The following PCDH15 variants were observed in gnomAD, a reference collection of about 807,000 sequenced individuals.
PCDH15 encodes protocadherin related 15.
In PCDH15, 129 loss-of-function variants were observed where a neutral mutation model predicts 178.5. The ratio of observed to expected loss-of-function variants is 0.72; its 90% confidence interval spans 0.63 to 0.84. The LOEUF (loss-of-function observed/expected upper bound fraction) is 0.84. Among genes scored for constraint, PCDH15 ranks in the 40% least tolerant of loss-of-function variants. The pLI, the probability that PCDH15 is intolerant of heterozygous loss-of-function variation, is 0.00. For synonymous variants in PCDH15, 800 were observed against 732.0 expected (o/e 1.09, Z -1.50); for missense variants, 2,230 against 2,099.9 (o/e 1.06, Z -1.21).
chr10:55,138,560 A>T (rs1838266462), intron 2 of PCDH15, among the ~76,000 whole-genome samples: 2 of 152,060 alleles, frequency 1.3e-5, no homozygotes, highest in Admixed American at 6.6e-5. Flanking sequence ...TTCATTCGGG[A>T]GTCAATCTCA....
rs781498909 is a variant in PCDH15 at position 53,806,680 on chromosome 10, T to TGATG, written c.5118_5121dup (p.Lys1708HisfsTer9). 24 of 1,613,880 alleles carry TGATG rather than the reference T, an allele frequency of 1.5e-5. No homozygotes were observed. Among genetic ancestry groups the TGATG allele is most frequent in the Non-Finnish European group, 2.0e-5 (24 of 1,179,818 alleles). ...TCACTATGAAATTCCAAAGCCTCCT[T>TGATG]GATGTTCTTACTGTCAATCATGGAC... On this transcript the variant is annotated frameshift_variant, in exon 38 of 38. Transcript: ENST00000644397. LOFTEE classifies it high-confidence loss of function.
chr10:55,391,264 T>G (rs1685713369), intron 2 of PCDH15, among the ~76,000 whole-genome samples: 1 of 151,192 alleles, frequency 6.6e-6, no homozygotes, highest in Non-Finnish European at 1.5e-5. Context: ...TTTTTTAACC[T>G]CATGAACCAA....
intron 28 of PCDH15, among the ~76,000 whole-genome samples, chr10:53,856,306 T>A (rs1477037625): frequency 6.6e-6 from 1 of 151,952 alleles, no homozygotes; most frequent in Non-Finnish European, 1.5e-5. Flanking sequence ...AGTAAAGATA[T>A]TTTAAACATC....
intron 2 of PCDH15, among the ~76,000 whole-genome samples, chr10:55,069,914 T>A (rs2132011193): frequency 6.6e-6 from 1 of 152,314 alleles, no homozygotes; most frequent in African/African-American, 2.4e-5. Context: ...AGTGTTCCCA[T>A]TTCTCCACAT....
intron 1 of PCDH15, among the ~76,000 whole-genome samples, chr10:55,246,628 A>G (rs1320940342): frequency 6.6e-6 from 1 of 152,194 alleles, no homozygotes; most frequent in Admixed American, 6.5e-5. Context: ...ATAGCATTTC[A>G]AGGCAACAAG....
intron 2 of PCDH15, among the ~76,000 whole-genome samples, chr10:55,117,600 C>T (rs1418307330): frequency 6.6e-6 from 1 of 152,138 alleles, no homozygotes; most frequent in Non-Finnish European, 1.5e-5. Flanking sequence ...AGAAACAAAA[C>T]AGCCTGTCCC....
At chr10:54,623,088 G>A (rs1458501347) in intron 2 of PCDH15, among the ~76,000 whole-genome samples, 1 of 151,834 alleles carries the variant, frequency 6.6e-6, no homozygotes, top group African/African-American at 2.4e-5. Context: ...TTGTTCAATT[G>A]ATTTTACTTT....
chr10:53,983,817 G>C (rs2090873975), intron 21 of PCDH15, among the ~76,000 whole-genome samples: 1 of 152,112 alleles, frequency 6.6e-6, no homozygotes, highest in Admixed American at 6.6e-5. Context: ...ATCTGAGCTA[G>C]TAATTAGTGA....
At chr10:55,149,678 C>G (rs908134384) in intron 2 of PCDH15, among the ~76,000 whole-genome samples, 1 of 125,150 alleles carries the variant, frequency 8.0e-6, no homozygotes, top group African/African-American at 2.8e-5. Context: ...CAGGTTTTCA[C>G]CAGGGAGAGA....
Position 53,806,402 on chromosome 10 carries a change from T to A in PCDH15, c.*177A>T, listed in dbSNP as rs1479927939. ...CAAAAGGATTTTCTGGGAAAAACGA[T>A]TAATTGATAACAATGTGAGTGCAAA... On this transcript the variant is annotated 3_prime_UTR_variant, in exon 38 of 38. Coordinates refer to ENST00000644397, the MANE Select transcript of PCDH15 (RefSeq NM_001384140.1). 1 of 561,020 alleles carries A rather than the reference T, an allele frequency of 1.8e-6. No individual in the cohort carries two copies. 34.8% of individuals were successfully genotyped at this position (561,020 alleles called of 1,614,324 possible).
intron 5 of PCDH15, among the ~76,000 whole-genome samples, chr10:54,362,643 T>C (rs1025297306): frequency 6.6e-6 from 1 of 152,004 alleles, no homozygotes; most frequent in East Asian, 1.9e-4. Flanking sequence ...TTGATCCTTA[T>C]AGAGCCGTGC....
intron 1 of PCDH15, among the ~76,000 whole-genome samples, chr10:54,666,552 T>G (rs2094574648): frequency 6.6e-6 from 1 of 151,978 alleles, no homozygotes; most frequent in African/African-American, 2.4e-5. Flanking sequence ...CTACTAAGAT[T>G]TCTATATACA....
At position 54,342,245 on chromosome 10, in the gene PCDH15, A is replaced by G. The variant is rs143375169; in HGVS notation, c.594+4120T>C. Among the ~76,000 whole-genome samples, 549 of 152,286 alleles carry G rather than the reference A, an allele frequency of 3.6e-3. 4 individuals carry two copies. Among genetic ancestry groups the G allele is most frequent in the African/African-American group, 0.013 (533 of 41,566 alleles). Reference sequence around the variant, plus strand: ...CACAGGCCTGGAGGCCTAGGAGGGAAAAATGGTTTTCTGAGCTGGGACCAG... The same window carrying G: ...CACAGGCCTGGAGGCCTAGGAGGGAGAAATGGTTTTCTGAGCTGGGACCAG... On this transcript the variant is annotated intron_variant, in intron 6 of 37. Transcript: ENST00000644397.
At chr10:55,032,623 A>G (rs139284585) in intron 2 of PCDH15, among the ~76,000 whole-genome samples, 25 of 152,336 alleles carry the variant, frequency 1.6e-4, no homozygotes, top group African/African-American at 6.0e-4. Flanking sequence ...GGCTGGCCAC[A>G]TAAACAATGA....
chr10:54,252,137 C>A (rs1035829753), intron 8 of PCDH15, among the ~76,000 whole-genome samples: 1 of 152,110 alleles, frequency 6.6e-6, no homozygotes, highest in Non-Finnish European at 1.5e-5. Flanking sequence ...TTATCCCTGT[C>A]TACATCTCTT....
At chr10:55,282,529 G>A (rs1284593336) in intron 1 of PCDH15, among the ~76,000 whole-genome samples, 1 of 151,976 alleles carries the variant, frequency 6.6e-6, no homozygotes, top group African/African-American at 2.4e-5. Context: ...TCTTTAATAG[G>A]TCAGGCTTTC....
intron 2 of PCDH15, among the ~76,000 whole-genome samples, chr10:54,957,634 G>A (rs1350124329): frequency 6.6e-6 from 1 of 151,510 alleles, no homozygotes; most frequent in African/African-American, 2.4e-5. Flanking sequence ...TGGTACTGGG[G>A]TGGTAGATCT....
chr10:54,629,115 A>G lies in PCDH15; in HGVS notation c.91+35057T>C, dbSNP rs181897053. 1.1e-3 allele frequency among the ~76,000 whole-genome samples: 162 copies of G among 152,160 alleles called. 1 individual carries two copies. Among genetic ancestry groups the G allele is most frequent in the African/African-American group, 3.8e-3 (157 of 41,524 alleles). ...ATCTAGCTACAGTACTTATTATTCC[A>G]CCGGAAGAAAGCATATGCTTCAACA... On this transcript the variant is annotated intron_variant, in intron 2 of 37. Coordinates refer to ENST00000644397, the MANE Select transcript of PCDH15 (RefSeq NM_001384140.1).
intron 1 of PCDH15, among the ~76,000 whole-genome samples, chr10:54,678,412 T>C (rs2094831833): frequency 1.3e-5 from 2 of 152,194 alleles, no homozygotes; most frequent in Admixed American, 1.3e-4. Context: ...GGGATGGTGT[T>C]AGAAAATCTT....
Sources: allele counts gnomAD v4.1 joint callset (sites outside exome capture counted in the v4.1 genomes callset), GRCh38; gene constraint gnomAD v4.1.1; transcripts MANE v1.5; gene names NCBI Gene and HGNC (gene_info 2026-07-23, HGNC 2026-07-21).